PTPRM: variants seen among roughly 807,000 people sequenced by gnomAD.
PTPRM encodes the protein receptor-type tyrosine-protein phosphatase mu.
Under a neutral mutation model 186.7 loss-of-function variants are expected in PTPRM, and 47 were observed. The observed-to-expected ratio is 0.25, with a 90% CI of 0.20 to 0.32. PTPRM has a LOEUF of 0.32. PTPRM is among the 10% of genes least tolerant of loss of function. PTPRM has a pLI of 1.00. For synonymous variants in PTPRM, 668 were observed against 674.9 expected, an observed-to-expected ratio of 0.99 and a Z score of 0.16; for missense variants, 1,494 against 1,865.0, an observed-to-expected ratio of 0.80 and a Z score of 3.66.
intron 8 of PTPRM, among the ~76,000 whole-genome samples, chr18:8,071,251 A>C (rs2089455868): frequency 6.6e-6 from 1 of 152,188 alleles, no homozygotes; most frequent in Non-Finnish European, 1.5e-5. Flanking sequence ...CATTGTCATC[A>C]AGTTATGGCT....
At chr18:7,856,674 G>T (rs1206141114) in intron 2 of PTPRM, among the ~76,000 whole-genome samples, 2 of 151,144 alleles carry the variant, frequency 1.3e-5, no homozygotes, top group Non-Finnish European at 2.9e-5. Flanking sequence ...AGCCCAGGAG[G>T]TCTAGGCTGT....
chr18:7,662,156 A>G (rs2038995417), intron 1 of PTPRM, among the ~76,000 whole-genome samples: 1 of 152,112 alleles, frequency 6.6e-6, no homozygotes, highest in Non-Finnish European at 1.5e-5. Context: ...GGCTGGTCTC[A>G]AACTCCTGGG....
chr18:7,759,005 G>C (rs1456110845), intron 1 of PTPRM, among the ~76,000 whole-genome samples: 1 of 152,200 alleles, frequency 6.6e-6, no homozygotes, highest in South Asian at 2.1e-4. Flanking sequence ...TCCTGGTGAT[G>C]GCTGAGACAG....
chr18:7,842,861 CAT>C lies in PTPRM; in HGVS notation c.197-45232_197-45231del, dbSNP rs57856136. Among the ~76,000 whole-genome samples the C allele has an allele frequency of 5.6e-3, 457 of 80,920 alleles. 3 individuals carry two copies. The highest frequency in any genetic ancestry group is 0.012 in the South Asian group (26 of 2,174). 53.1% of individuals were successfully genotyped at this position (80,920 alleles called of 152,430 possible). A position where few individuals can be genotyped will look rare whatever the true frequency, so the allele number is the denominator to read the frequency against. Reference sequence around the variant, plus strand: ...ATATATAGAGAGAGAGAGAGAGAAACATATATATATATATGTTTCTCGTGTGT... The same window carrying C: ...ATATATAGAGAGAGAGAGAGAGAAACATATATATATATGTTTCTCGTGTGT... On this transcript the variant is annotated intron_variant, in intron 2 of 32. Coordinates refer to ENST00000580170, the MANE Select transcript of PTPRM (RefSeq NM_001105244.2).
At chr18:7,993,531 A>C (rs889789095) in intron 7 of PTPRM, among the ~76,000 whole-genome samples, 3 of 152,050 alleles carry the variant, frequency 2.0e-5, no homozygotes, top group African/African-American at 7.2e-5. Context: ...CAGATTTCTC[A>C]GCTGAAACCA....
chr18:7,718,967 C>T (rs1476297590), intron 1 of PTPRM, among the ~76,000 whole-genome samples: 1 of 152,162 alleles, frequency 6.6e-6, no homozygotes, highest in East Asian at 1.9e-4. Context: ...ACTAGTACAA[C>T]CACTATGGAA....
intron 1 of PTPRM, among the ~76,000 whole-genome samples, chr18:7,587,002 A>G (rs1208111890): frequency 6.6e-6 from 1 of 152,224 alleles, no homozygotes; most frequent in Non-Finnish European, 1.5e-5. Flanking sequence ...ATAGAATCAT[A>G]TCCTATTATA....
At chr18:7,982,284 CTTT>C (rs60537289) in intron 7 of PTPRM, among the ~76,000 whole-genome samples, 2 of 136,206 alleles carry the variant, frequency 1.5e-5, no homozygotes, top group African/African-American at 2.7e-5. Flanking sequence ...TAAGTTTTTA[CTTT>C]TTTTTTTTTT....
At chr18:7,931,532 C>T (rs2146855875) in intron 5 of PTPRM, among the ~76,000 whole-genome samples, 1 of 152,276 alleles carries the variant, frequency 6.6e-6, no homozygotes, top group African/African-American at 2.4e-5. Flanking sequence ...GAAACCCTGT[C>T]TCTACTGAAA....
chr18:7,670,787 A>C (rs2039201458), intron 1 of PTPRM, among the ~76,000 whole-genome samples: 1 of 152,192 alleles, frequency 6.6e-6, no homozygotes, highest in South Asian at 2.1e-4. Flanking sequence ...TTGGCTACCA[A>C]ACACCTCAAA....
rs372409643 is a variant in PTPRM, at chr18:7,891,430, G to A, written c.468+3053G>A. ...ACTGTTTTTATTTATAAAACAAAAA[G>A]TAAAAATTTGTTTTTCCTCCAGAAG... On this transcript the variant is annotated intron_variant, in intron 3 of 32. Transcript: ENST00000580170. Among the ~76,000 whole-genome samples the A allele has an allele frequency of 8.6e-4, 130 of 151,498 alleles. 1 individual carries two copies. In the South Asian group the frequency reaches 0.025, roughly 29 times the overall value.
intron 1 of PTPRM, among the ~76,000 whole-genome samples, chr18:7,742,567 A>G (rs1192996439): frequency 6.6e-6 from 1 of 152,188 alleles, no homozygotes; most frequent in Non-Finnish European, 1.5e-5. Context: ...ATCTGGGCAC[A>G]GTGGTTCACT....
chr18:8,021,111 T>C (rs1435171985), intron 7 of PTPRM, among the ~76,000 whole-genome samples: 1 of 152,154 alleles, frequency 6.6e-6, no homozygotes, highest in Non-Finnish European at 1.5e-5. Flanking sequence ...TGAGTAGCAG[T>C]ACCTGTTGAC....
intron 14 of PTPRM, among the ~76,000 whole-genome samples, chr18:8,145,080 G>A (rs961888033): frequency 2.0e-5 from 3 of 152,158 alleles, no homozygotes; most frequent in African/African-American, 7.2e-5. Context: ...GACACAGTGA[G>A]GAGGGGAGAG....
intron 23 of PTPRM, among the ~76,000 whole-genome samples, chr18:8,351,785 A>G (rs867689584): frequency 2.0e-5 from 3 of 152,200 alleles, no homozygotes; most frequent in South Asian, 4.1e-4. Context: ...GCCAGGCTTC[A>G]CGCCACTACC....
At chr18:7,767,803 A>G (rs555966193) in intron 1 of PTPRM, among the ~76,000 whole-genome samples, 6 of 152,300 alleles carry the variant, frequency 3.9e-5, no homozygotes, top group South Asian at 2.1e-4. Context: ...ATAGTTTCCA[A>G]CCATACTAGA....
intron 22 of PTPRM, among the ~76,000 whole-genome samples, chr18:8,339,475 CT>C (rs1307078860): frequency 2.6e-5 from 4 of 152,306 alleles, no homozygotes; most frequent in African/African-American, 9.6e-5. Context: ...ATCAAATGCC[CT>C]GTCTTGCAAA....
At chr18:7,803,468 C>T (rs941151499) in intron 2 of PTPRM, among the ~76,000 whole-genome samples, 1 of 152,178 alleles carries the variant, frequency 6.6e-6, no homozygotes, top group Non-Finnish European at 1.5e-5. Flanking sequence ...TCCCCATCTC[C>T]AGGTCAGCTG....
intron 2 of PTPRM, among the ~76,000 whole-genome samples, chr18:7,884,872 T>G (rs1438217264): frequency 7.9e-6 from 1 of 126,552 alleles, no homozygotes; most frequent in Non-Finnish European, 1.5e-5. Flanking sequence ...TGCAGTGAGC[T>G]GAGATCACGC....
Sources: gnomAD v4.1 joint callset for allele counts (sites outside exome capture counted in the v4.1 genomes callset) on GRCh38, gnomAD v4.1.1 for gene constraint, MANE v1.5 for transcripts, NCBI Gene and HGNC (gene_info 2026-07-23, HGNC 2026-07-21) for gene names.